SYT12: variants seen among roughly 807,000 people sequenced by gnomAD.
SYT12 encodes synaptotagmin 12.
Under a neutral mutation model 39.5 loss-of-function variants are expected in SYT12, and 27 were observed. That is an observed-to-expected ratio of 0.68 (90% CI 0.50 to 0.94). The LOEUF (loss-of-function observed/expected upper bound fraction) is 0.94. Among genes scored for constraint, SYT12 ranks in the 40% least tolerant of loss-of-function variants. SYT12 has a pLI of 0.00. For synonymous variants in SYT12, 233 were observed against 239.7 expected (o/e 0.97, Z 0.26); for missense variants, 536 against 572.6 (o/e 0.94, Z 0.65).
chr11:67,025,176 AG>A (rs1367042140), intron 1 of SYT12, among the ~76,000 whole-genome samples: 3 of 152,208 alleles, frequency 2.0e-5, no homozygotes, highest in Non-Finnish European at 4.4e-5. Flanking sequence ...CATCTATAAA[AG>A]GGGGATCCAT....
At chr11:67,013,165 G>A (rs1591349180) in intron 3 of SYT12, among the ~76,000 whole-genome samples, 1 of 152,212 alleles carries the variant, frequency 6.6e-6, no homozygotes, top group African/African-American at 2.4e-5. Flanking sequence ...AGTGTCTCAG[G>A]TTGCAAAGGG....
intron 6 of SYT12, 23 bp from the exon 7 acceptor site, chr11:67,045,721 C>T (rs1183578357): frequency 6.2e-7 from 1 of 1,610,966 alleles, no homozygotes; most frequent in African/African-American, 1.3e-5. Context: ...GACACTGGCC[C>T]TCACCTGTCC....
intron 1 of SYT12, chr11:67,007,479 T>C (rs1949979046): frequency 6.6e-6 from 1 of 152,258 alleles, no homozygotes. Flanking sequence ...ATCTGCGGAG[T>C]TCTCAGTTCC....
chr11:67,041,274 C>T (rs1359457107), intron 4 of SYT12, among the ~76,000 whole-genome samples: 1 of 151,998 alleles, frequency 6.6e-6, no homozygotes, highest in Non-Finnish European at 1.5e-5. Flanking sequence ...ATGTTTGAGA[C>T]CAGCCTGGCC....
At position 67,015,886 on chromosome 11, in the gene SYT12, G is replaced by C. The variant is rs561526069; in HGVS notation, c.-69+4892G>C. On this transcript the variant is annotated intron_variant, in intron 3 of 10. Transcript: ENST00000393946. ...GAAGGAGGACTCTGGATCTCAGGAG[G>C]CTGGGAGCAGGAGGAAGGGGGTTTG... Among the ~76,000 whole-genome samples, 6 of 152,290 alleles carry C rather than the reference G, an allele frequency of 3.9e-5. No individual in the cohort carries two copies. In the East Asian group the frequency reaches 9.7e-4, roughly 24 times the overall value.
chr11:67,034,622 G>T, intron 2 of SYT12, 23 bp from the exon 3 acceptor site: 1 of 1,568,586 alleles, frequency 6.4e-7, no homozygotes, highest in Non-Finnish European at 8.6e-7. Flanking sequence ...AAGCCCTAAT[G>T]AGAGGCTGCC....
intron 7 of SYT12, 31 bp from the exon 8 acceptor site, chr11:67,048,553 G>C (rs1322095781): frequency 1.0e-5 from 16 of 1,582,670 alleles, no homozygotes; most frequent in Non-Finnish European, 1.4e-5. Context: ...ACTGCCCCTG[G>C]TCCTCAGCAC....
intron 1 of SYT12, chr11:67,029,829 G>T (rs1464773788): frequency 6.3e-6 from 2 of 315,934 alleles, no homozygotes; most frequent in Non-Finnish European, 1.2e-5. Context: ...TCTAGCCTGG[G>T]CAACAAAGAG....
chr11:67,019,459 C>G (rs1311862860), upstream of SYT12, among the ~76,000 whole-genome samples: 2 of 147,914 alleles, frequency 1.4e-5, no homozygotes, highest in African/African-American at 5.0e-5. Context: ...GCAACAAGAG[C>G]GAAACTCCAC....
At chr11:67,021,405 T>C (rs550201076), upstream of SYT12, among the ~76,000 whole-genome samples, 1 of 151,764 alleles carries the variant, frequency 6.6e-6, no homozygotes, top group East Asian at 1.9e-4. Context: ...TGCTCCCAGG[T>C]TCAAGCAATT....
upstream of SYT12, among the ~76,000 whole-genome samples, chr11:67,018,992 C>T (rs1334351099): frequency 2.6e-5 from 4 of 152,084 alleles, no homozygotes; most frequent in East Asian, 3.9e-4. Context: ...CTGTATTCAT[C>T]GATTTTCATG....
chr11:67,021,718 C>T (rs1436904114), upstream of SYT12, among the ~76,000 whole-genome samples: 1 of 152,076 alleles, frequency 6.6e-6, no homozygotes, highest in Non-Finnish European at 1.5e-5. Flanking sequence ...GGGTGTCCTG[C>T]GAAGAAAATG....
At position 67,045,668 on chromosome 11, in the gene SYT12, G is replaced by T. The variant is rs527535622; in HGVS notation, c.959-76G>T. ...GTTAAGCATTGGGGAGTTTGGAGTCGGTGGGTGGAGCCAAACTGGGCAGGG... is the reference window on the plus strand; with the variant it reads ...GTTAAGCATTGGGGAGTTTGGAGTCTGTGGGTGGAGCCAAACTGGGCAGGG... On this transcript the variant is annotated intron_variant, in intron 6 of 7. Transcript: ENST00000527043. 3.8e-6 allele frequency: 6 copies of T among 1,570,740 alleles called. No homozygotes were observed. The East Asian group carries it at 1.2e-4, about 30-fold the overall frequency.
In SYT12 at chr11:67,040,148, C is replaced by T. The variant is rs1331755399; in HGVS notation, c.566C>T (p.Ser189Phe). Residue 189 changes from serine (S) to phenylalanine (F), a missense_variant, in exon 4 of 8, where the codon TCC becomes TTC. By Grantham distance (155) the Ser-to-Phe change is radical. Coordinates refer to ENST00000527043, the MANE Select transcript of SYT12 (RefSeq NM_177963.4). ...LLEREEASFE[S>F]CFMRVSLLPD... ...GAGCGGGAGGAGGCCAGCTTCGAGT[C>T]CTGCTTCATGCGCGTCAGCCTGCTG... The T allele has an allele frequency of 1.2e-6, 2 of 1,607,412 alleles. No homozygotes were observed. The highest frequency in any genetic ancestry group is 1.3e-5 in the African/African-American group (1 of 74,870).
chr11:67,014,258 A>G (rs1282905375), intron 3 of SYT12, among the ~76,000 whole-genome samples: 1 of 152,226 alleles, frequency 6.6e-6, no homozygotes, highest in Non-Finnish European at 1.5e-5. Flanking sequence ...CAACCATCCC[A>G]TCAGCCTAGA....
chr11:67,038,715 G>A (rs370322306), intron 3 of SYT12, among the ~76,000 whole-genome samples: 8 of 152,134 alleles, frequency 5.3e-5, no homozygotes, highest in East Asian at 1.9e-4. Context: ...AGGGCTGGGC[G>A]TGGTGGCTCA....
At chr11:67,023,716 G>T (rs982221476) in intron 1 of SYT12, among the ~76,000 whole-genome samples, 1 of 152,156 alleles carries the variant, frequency 6.6e-6, no homozygotes, top group Non-Finnish European at 1.5e-5. Context: ...CGGCTCACCC[G>T]GCCATTTACA....
Position 67,045,741 on chromosome 11 carries a change from C to T in SYT12, c.959-3C>T. On this transcript the variant is annotated splice_region_variant and splice_polypyrimidine_tract_variant and intron_variant, in intron 6 of 7. Transcript: ENST00000527043. Reference sequence around the variant, plus strand: ...TGGCCCTCACCTGTCCGCCTGCCCACAGACCCCTTCGTCAAGGTGTACCTG... The same window carrying T: ...TGGCCCTCACCTGTCCGCCTGCCCATAGACCCCTTCGTCAAGGTGTACCTG... The T allele has an allele frequency of 6.2e-7, 1 of 1,613,664 alleles. No homozygotes were observed. Among genetic ancestry groups the T allele is most frequent in the Admixed American group, 1.7e-5 (1 of 59,940 alleles).
chr11:67,044,490 T>C, intron 5 of SYT12, 103 bp from the exon 6 acceptor site: 1 of 1,492,096 alleles, frequency 6.7e-7, no homozygotes, highest in Non-Finnish European at 9.0e-7. Flanking sequence ...GCCACTTCTC[T>C]ATGGAGAAGG....
Sources: allele counts gnomAD v4.1 joint callset (sites outside exome capture counted in the v4.1 genomes callset), GRCh38; gene constraint gnomAD v4.1.1; transcripts MANE v1.5; gene names NCBI Gene and HGNC (gene_info 2026-07-23, HGNC 2026-07-21).